APBA1: variants seen among roughly 807,000 people sequenced by gnomAD.
APBA1 encodes the protein amyloid-beta A4 precursor protein-binding family A member 1.
A neutral mutation model predicts 86.6 loss-of-function variants in APBA1; 55 were observed. The ratio of observed to expected loss-of-function variants is 0.64; its 90% CI spans 0.51 to 0.80. The LOEUF is 0.80. APBA1 is among the 30% of genes least tolerant of loss of function. The pLI is 0.00. For missense variants in APBA1, 1,090 were observed against 1,183.0 expected (o/e 0.92, Z 1.15); for synonymous variants, 511 against 493.9 (o/e 1.03, Z -0.46).
chr9:69,644,702 G>A (rs1038764040), intron 1 of APBA1, among the ~76,000 whole-genome samples: 11 of 152,140 alleles, frequency 7.2e-5, no homozygotes, highest in Admixed American at 6.5e-5. Flanking sequence ...GAGGGAGTTG[G>A]GGATGTCTGT....
rs764232135 is a variant in APBA1, at chr9:69,517,117, G to C, written c.94C>G (p.Pro32Ala). ...TGCTGCTGTTCCTCTTCCACCTCGGGGTGCTCCAGGTCGGCCTCCACCGAC... is the reference window on the plus strand; with the variant it reads ...TGCTGCTGTTCCTCTTCCACCTCGGCGTGCTCCAGGTCGGCCTCCACCGAC... ...NESVEADLEH[P>A]EVEEEQQQPP... Residue 32 changes from proline to alanine, a missense_variant, in exon 2 of 13, where the codon CCC becomes GCC. Around this residue, in one of 6 missense-constraint regions of APBA1, gnomAD observed 678 missense variants for 647.1 expected, o/e 1.05. Transcript: ENST00000265381. 6.4e-7 allele frequency: 1 copy of C among 1,573,546 alleles called. No homozygotes were observed. The highest frequency in any genetic ancestry group is 1.2e-5 in the South Asian group (1 of 86,336).
At chr9:69,511,368 A>G (rs1836036550) in intron 2 of APBA1, among the ~76,000 whole-genome samples, 1 of 152,214 alleles carries the variant, frequency 6.6e-6, no homozygotes, top group African/African-American at 2.4e-5. Context: ...CAAAACCACA[A>G]TGAGATACAA....
At chr9:69,590,017 C>T (rs566310185) in intron 1 of APBA1, among the ~76,000 whole-genome samples, 1 of 152,288 alleles carries the variant, frequency 6.6e-6, no homozygotes, top group South Asian at 2.1e-4. Flanking sequence ...TCTTTTCACC[C>T]TCCTTCCCAA....
chr9:69,513,056 A>C (rs1836077681), intron 2 of APBA1, among the ~76,000 whole-genome samples: 1 of 152,188 alleles, frequency 6.6e-6, no homozygotes, highest in South Asian at 2.1e-4. Context: ...TACAACCCAC[A>C]AATAGCTTAA....
intron 1 of APBA1, among the ~76,000 whole-genome samples, chr9:69,645,161 G>A (rs1194614124): frequency 6.6e-6 from 1 of 152,136 alleles, no homozygotes; most frequent in East Asian, 1.9e-4. Flanking sequence ...GAGATACTGA[G>A]AAATTAGTCG....
intron 1 of APBA1, among the ~76,000 whole-genome samples, chr9:69,658,265 T>TC (rs1491247686): frequency 3.2e-5 from 2 of 62,078 alleles, no homozygotes; most frequent in African/African-American, 5.1e-5. Flanking sequence ...TCTTTCTTTC[T>TC]TTCTTTCTTT....
chr9:69,536,704 TAAAAAAAAAA>T (rs71356116), intron 1 of APBA1, among the ~76,000 whole-genome samples: 1 of 55,956 alleles, frequency 1.8e-5, no homozygotes, highest in Non-Finnish European at 3.4e-5. Flanking sequence ...CCATCTCTAC[TAAAAAAAAAA>T]AAAAAAAAAA....
At chr9:69,496,605 C>T (rs1304863687) in intron 2 of APBA1, among the ~76,000 whole-genome samples, 9 of 152,038 alleles carry the variant, frequency 5.9e-5, no homozygotes, top group East Asian at 3.9e-4. Context: ...TACTCTAATC[C>T]GAATCAGTGG....
chr9:69,511,153 A>G, intron 2 of APBA1, among the ~76,000 whole-genome samples: 1 of 152,056 alleles, frequency 6.6e-6, no homozygotes, highest in Non-Finnish European at 1.5e-5. Flanking sequence ...AAATGGGAGC[A>G]AATTTTCGCA....
Position 69,599,094 on chromosome 9 carries a change from C to T in APBA1, c.-70+73059G>A, listed in dbSNP as rs144307983. On this transcript the variant is annotated intron_variant, in intron 1 of 12. Coordinates refer to ENST00000265381, the MANE Select transcript of APBA1 (RefSeq NM_001163.4). The stretch of plus-strand genomic sequence containing the variant: ...GAGAGGGAAAGGGGAAGTTGTTTAA[C>T]GAGTTTGGAGTCTCAAGGTTACAAG... Among the ~76,000 whole-genome samples, 1,043 of 152,200 alleles carry T rather than the reference C, an allele frequency of 6.9e-3. 11 individuals carry two copies. The highest frequency in any genetic ancestry group is 0.024 in the African/African-American group (992 of 41,518).
chr9:69,619,899 A>G (rs975460112), intron 1 of APBA1, among the ~76,000 whole-genome samples: 1 of 152,202 alleles, frequency 6.6e-6, no homozygotes, highest in South Asian at 2.1e-4. Context: ...TTTCCATTCC[A>G]TGTTCGCACA....
chr9:69,457,924 A>G (rs1835125738), intron 6 of APBA1, among the ~76,000 whole-genome samples: 1 of 152,216 alleles, frequency 6.6e-6, no homozygotes, highest in East Asian at 1.9e-4. Context: ...CAGCGTCTCC[A>G]ATCTGCTCCC....
rs191778521 is a variant in APBA1 at position 69,436,217 on chromosome 9, C to A, written c.2302-3541G>T. On this transcript the variant is annotated intron_variant, in intron 11 of 12. Coordinates refer to ENST00000265381, the MANE Select transcript of APBA1 (RefSeq NM_001163.4). ...TAGTTTGAAGTCAGGTAGCGTGATG[C>A]CTCCAGCTTTGTTCTTTTAGCTTAG... Among the ~76,000 whole-genome samples the A allele has an allele frequency of 7.9e-4, 119 of 149,964 alleles. 5 individuals carry two copies. The highest frequency in any genetic ancestry group is 1.9e-3 in the African/African-American group (76 of 40,812).
In APBA1 at chr9:69,511,146, T is replaced by C. The variant is rs902037071; in HGVS notation, c.1200+4865A>G. On this transcript the variant is annotated intron_variant, in intron 2 of 12. Coordinates refer to ENST00000265381, the MANE Select transcript of APBA1 (RefSeq NM_001163.4). ...CAGAGTGAACAGGCAACCTACAAAATGGGAGCAAATTTTCGCAACCTACTC... is the reference window on the plus strand; with the variant it reads ...CAGAGTGAACAGGCAACCTACAAAACGGGAGCAAATTTTCGCAACCTACTC... 4.9e-3 allele frequency among the ~76,000 whole-genome samples: 743 copies of C among 152,090 alleles called. 9 individuals are homozygous for C. Among genetic ancestry groups the C allele is most frequent in the African/African-American group, 0.015 (627 of 41,482 alleles).
chr9:69,435,039 T>C (rs1035004023), intron 11 of APBA1, among the ~76,000 whole-genome samples: 4 of 147,964 alleles, frequency 2.7e-5, no homozygotes, highest in Non-Finnish European at 3.0e-5. Flanking sequence ...AGTGAGAACA[T>C]GCAGTGTTGG....
At chr9:69,652,212 T>A (rs1165255497) in intron 1 of APBA1, among the ~76,000 whole-genome samples, 2 of 152,224 alleles carry the variant, frequency 1.3e-5, no homozygotes, top group East Asian at 3.8e-4. Flanking sequence ...CTATGGTATT[T>A]GTTATGGCAG....
At chr9:69,441,172 C>A in intron 10 of APBA1, 57 bp from the exon 11 acceptor site, 1 of 1,564,598 alleles carries the variant, frequency 6.4e-7, no homozygotes, top group South Asian at 1.2e-5. Flanking sequence ...ACAGAATAAA[C>A]AAAAGCAGGC....
chr9:69,560,678 C>T (rs1416601904), intron 1 of APBA1, among the ~76,000 whole-genome samples: 1 of 152,068 alleles, frequency 6.6e-6, no homozygotes, highest in Non-Finnish European at 1.5e-5. Context: ...TGCTTGAGAC[C>T]AGCAGTGTTT....
intron 1 of APBA1, among the ~76,000 whole-genome samples, chr9:69,651,229 A>G (rs1045881197): frequency 6.6e-6 from 1 of 152,210 alleles, no homozygotes; most frequent in Non-Finnish European, 1.5e-5. Flanking sequence ...CAATAATGAC[A>G]GAAGCAGCAA....
Sources: allele counts gnomAD v4.1 joint callset (sites outside exome capture counted in the v4.1 genomes callset), GRCh38; gene constraint gnomAD v4.1.1; regional missense constraint gnomAD v4.1.1; transcripts MANE v1.5; gene names NCBI Gene and HGNC (gene_info 2026-07-23, HGNC 2026-07-21).